INSL6: variants seen among roughly 807,000 people sequenced by gnomAD.
INSL6 encodes insulin-like peptide INSL6.
In INSL6, 16 loss-of-function variants were observed where a neutral mutation model predicts 9.4. The observed-to-expected ratio is 1.70, with a 90% CI of 1.15 to 2.59. INSL6 has a LOEUF of 2.59. Among genes scored for constraint, INSL6 ranks in the 30% most tolerant of loss-of-function variants. The pLI is 0.00. For missense variants in INSL6, 391 were observed against 257.3 expected, an observed-to-expected ratio of 1.52 and a Z score of -3.56; for synonymous variants, 154 against 96.9, an observed-to-expected ratio of 1.59 and a Z score of -3.46.
At chr9:5,085,582 C>T in the INSL6 span, 1 of 692,938 alleles carries the variant, frequency 1.4e-6, no homozygotes, top group Admixed American at 2.0e-5. Flanking sequence ...AGTTTGTGCC[C>T]CACCTATAGA....
chr9:5,155,491 G>A (rs1215014531), intron 2 of INSL6, among the ~76,000 whole-genome samples: 1 of 146,296 alleles, frequency 6.8e-6, no homozygotes, highest in African/African-American at 2.5e-5. Flanking sequence ...AAAAAAACCT[G>A]GAGGTACCTA....
At chr9:5,055,130 C>G in the INSL6 span, among the ~76,000 whole-genome samples, 2 of 151,828 alleles carry the variant, frequency 1.3e-5, no homozygotes, top group African/African-American at 4.8e-5. Context: ...AGAAAGATGT[C>G]AAATTCTAAA....
At chr9:5,184,999 C>G (rs1237498515) in intron 1 of INSL6, among the ~76,000 whole-genome samples, 5 of 152,110 alleles carry the variant, frequency 3.3e-5, no homozygotes, top group African/African-American at 1.2e-4. Flanking sequence ...GATGACTTCA[C>G]AGGGAAAATG....
At chr9:5,032,295 C>T in the INSL6 span, among the ~76,000 whole-genome samples, 3 of 152,310 alleles carry the variant, frequency 2.0e-5, no homozygotes, top group African/African-American at 4.8e-5. Context: ...GGAGGCCTGC[C>T]GGCCTCTGTA....
At chr9:5,074,684 A>G in the INSL6 span, among the ~76,000 whole-genome samples, 3 of 152,352 alleles carry the variant, frequency 2.0e-5, no homozygotes, top group East Asian at 3.9e-4. Context: ...AGGCCATTTA[A>G]TAATCACACA....
At chr9:5,073,718 T>C in the INSL6 span, 1 of 1,611,856 alleles carries the variant, frequency 6.2e-7, no homozygotes, top group East Asian at 2.2e-5. Context: ...AAGCAGCAAG[T>C]ATGATGAGCA....
chr9:5,110,838 AG>A, the INSL6 span: 1 of 451,348 alleles, frequency 2.2e-6, no homozygotes, highest in Non-Finnish European at 4.3e-6. Context: ...TGTTCGGGGA[AG>A]GTGGGGGGGA....
At chr9:5,045,976 G>C in the INSL6 span, among the ~76,000 whole-genome samples, 1 of 152,186 alleles carries the variant, frequency 6.6e-6, no homozygotes, top group East Asian at 1.9e-4. Flanking sequence ...GTTTTCTGTA[G>C]TGGCTGCACT....
chr9:5,161,390 A>G (rs1414212249), downstream of INSL6, among the ~76,000 whole-genome samples: 4 of 152,346 alleles, frequency 2.6e-5, no homozygotes, highest in South Asian at 4.1e-4. Flanking sequence ...CTCTCATGCT[A>G]AAACCCCTCA....
the INSL6 span, among the ~76,000 whole-genome samples, chr9:5,011,661 T>G: frequency 6.6e-6 from 1 of 152,212 alleles, no homozygotes; most frequent in Non-Finnish European, 1.5e-5. Context: ...ATTCTTCTTT[T>G]CATGTTTAAT....
At chr9:5,091,812 G>T in the INSL6 span, among the ~76,000 whole-genome samples, 3 of 152,144 alleles carry the variant, frequency 2.0e-5, no homozygotes, top group Non-Finnish European at 4.4e-5. Flanking sequence ...GTATACTGGA[G>T]AAGTTAAATG....
chr9:5,175,720 T>C (rs903937541), intron 1 of INSL6, among the ~76,000 whole-genome samples: 12 of 152,130 alleles, frequency 7.9e-5, no homozygotes, highest in African/African-American at 2.9e-4. Flanking sequence ...GTGTGAACCC[T>C]ATTGTGAACT....
the INSL6 span, among the ~76,000 whole-genome samples, chr9:4,996,328 A>G: frequency 6.6e-6 from 1 of 152,144 alleles, no homozygotes; most frequent in Non-Finnish European, 1.5e-5. Flanking sequence ...CATGCCTGTA[A>G]TCTGAGCTAC....
intron 1 of INSL6, among the ~76,000 whole-genome samples, chr9:5,176,619 C>G (rs1356814529): frequency 7.2e-5 from 11 of 151,746 alleles, no homozygotes. Context: ...GCTTCCTTAC[C>G]TTAATGAAGA....
chr9:5,066,250 C>G, the INSL6 span, among the ~76,000 whole-genome samples: 1 of 151,974 alleles, frequency 6.6e-6, no homozygotes, highest in Non-Finnish European at 1.5e-5. Context: ...TGTTATCGTA[C>G]TGAATAATAA....
At chr9:5,168,832 C>T (rs1825115949) in intron 1 of INSL6, among the ~76,000 whole-genome samples, 1 of 151,842 alleles carries the variant, frequency 6.6e-6, no homozygotes, top group African/African-American at 2.4e-5. Context: ...AGAGAAAGGT[C>T]GAGTCACCTA....
chr9:5,005,067 C>T, the INSL6 span, among the ~76,000 whole-genome samples: 1 of 129,970 alleles, frequency 7.7e-6, no homozygotes. Flanking sequence ...CAGGCATGTG[C>T]CAGCATGCCT....
At chr9:5,157,919 C>G (rs1162915634) in intron 2 of INSL6, among the ~76,000 whole-genome samples, 1 of 152,012 alleles carries the variant, frequency 6.6e-6, no homozygotes, top group Non-Finnish European at 1.5e-5. Flanking sequence ...TTCAAAAGAG[C>G]TGTTTTAAGG....
chr9:5,021,820 A>G, the INSL6 span: 1,216 of 585,754 alleles, frequency 2.1e-3, 1 homozygote, highest in Non-Finnish European at 3.0e-3. Context: ...TTTTGTAGAG[A>G]TGAGGTTTCA....
Sources: gnomAD v4.1 joint callset for allele counts (sites outside exome capture counted in the v4.1 genomes callset) on GRCh38, gnomAD v4.1.1 for gene constraint, MANE v1.5 for transcripts, NCBI Gene and HGNC (gene_info 2026-07-23, HGNC 2026-07-21) for gene names.